TPTE2: variants seen among roughly 807,000 people sequenced by gnomAD.
TPTE2 encodes the protein transmembrane phosphoinositide 3-phosphatase and tensin homolog 2.
In TPTE2, 53 loss-of-function variants were observed where a neutral mutation model predicts 78.6. That is an observed-to-expected ratio of 0.67 (90% CI 0.54 to 0.85). The LOEUF (loss-of-function observed/expected upper bound fraction) is 0.85. Among genes scored for constraint, TPTE2 ranks in the 40% least tolerant of loss-of-function variants. The pLI is 0.00. For synonymous variants in TPTE2, 175 were observed against 206.2 expected (o/e 0.85, Z 1.30); for missense variants, 461 against 623.0 (o/e 0.74, Z 2.77).
chr13:19,444,304 CACAAAAAAAAAAAAAAAAAAAAAAA>C (rs1877687078), intron 13 of TPTE2, among the ~76,000 whole-genome samples: 1 of 48,134 alleles, frequency 2.1e-5, no homozygotes, highest in Non-Finnish European at 3.3e-5. Context: ...GAGACTCTGC[CACAAAAAAAAAAAAAAAAAAAAAAA>C]AAAAAAAAAA....
At chr13:19,553,236 T>C in the TPTE2 span, among the ~76,000 whole-genome samples, 2 of 152,238 alleles carry the variant, frequency 1.3e-5, no homozygotes, top group East Asian at 1.9e-4. Context: ...TATTATCATG[T>C]TGGCTAATTA....
At chr13:19,426,120 G>A (rs915483294) in intron 18 of TPTE2, among the ~76,000 whole-genome samples, 42 of 49,234 alleles carry the variant, frequency 8.5e-4, no homozygotes, top group South Asian at 4.2e-3. Flanking sequence ...GCAGTAAAAC[G>A]TACCTTTGGG....
intron 1 of TPTE2, among the ~76,000 whole-genome samples, chr13:19,500,717 A>C (rs1253090680): frequency 2.0e-5 from 3 of 151,204 alleles, no homozygotes. Flanking sequence ...AAAAACTGGA[A>C]GCATTCCCTT....
the TPTE2 span, among the ~76,000 whole-genome samples, chr13:19,555,937 C>T: frequency 1.3e-5 from 2 of 151,026 alleles, no homozygotes; most frequent in African/African-American, 2.4e-5. Context: ...CTCAGCCTCC[C>T]GAGTAGCTGG....
chr13:19,453,458 T>G (rs1353837252), intron 10 of TPTE2, among the ~76,000 whole-genome samples: 4 of 151,514 alleles, frequency 2.6e-5, no homozygotes, highest in African/African-American at 9.7e-5. Flanking sequence ...ACTGGACAGT[T>G]AAGCTTTAGG....
intron 1 of TPTE2, among the ~76,000 whole-genome samples, chr13:19,520,070 C>A (rs1870057613): frequency 6.6e-6 from 1 of 152,022 alleles, no homozygotes; most frequent in African/African-American, 2.4e-5. Flanking sequence ...CTAAATATAA[C>A]TAATTTTTTG....
chr13:19,490,839 C>T (rs934160513), intron 3 of TPTE2, among the ~76,000 whole-genome samples: 3 of 152,232 alleles, frequency 2.0e-5, no homozygotes, highest in Non-Finnish European at 4.4e-5. Flanking sequence ...CCACTGTTAC[C>T]TCCTCCTTGC....
At chr13:19,529,904 C>A (rs1270320336) in intron 1 of TPTE2, among the ~76,000 whole-genome samples, 1 of 152,090 alleles carries the variant, frequency 6.6e-6, no homozygotes, top group African/African-American at 2.4e-5. Flanking sequence ...AATTTTTGCC[C>A]CCTCAATCAG....
chr13:19,447,078 T>A (rs547783070), intron 13 of TPTE2, among the ~76,000 whole-genome samples: 1 of 152,226 alleles, frequency 6.6e-6, no homozygotes, highest in African/African-American at 2.4e-5. Flanking sequence ...CTCCTATAAA[T>A]CGATATAAAA....
rs554587204 is a variant in TPTE2 at position 19,439,290 on chromosome 13, A to G, written c.974-1137T>C. Among the ~76,000 whole-genome samples, 150 of 152,140 alleles carry G rather than the reference A, an allele frequency of 9.9e-4. 1 individual carries two copies. The highest frequency in any genetic ancestry group is 6.8e-3 in the Middle Eastern group (2 of 294). On this transcript the variant is annotated intron_variant, in intron 13 of 19. Transcript: ENST00000400230. ...TACCCATGGCGCCATCTACTGGCTC[A>G]TAGGTCAAACCACACACCCAATATA... is the stretch of plus-strand genomic sequence containing the variant.
chr13:19,524,332 G>A (rs1332853942), intron 1 of TPTE2, among the ~76,000 whole-genome samples: 1 of 152,062 alleles, frequency 6.6e-6, no homozygotes, highest in Non-Finnish European at 1.5e-5. Flanking sequence ...TTTACTCTTA[G>A]GCTGGAATTT....
chr13:19,548,760 T>G, the TPTE2 span, among the ~76,000 whole-genome samples: 1 of 151,720 alleles, frequency 6.6e-6, no homozygotes, highest in Non-Finnish European at 1.5e-5. Flanking sequence ...ATAAAAACCC[T>G]GAAGAAGATC....
upstream of TPTE2, chr13:19,503,393 G>T: frequency 9.2e-7 from 1 of 1,083,832 alleles, no homozygotes; most frequent in Non-Finnish European, 1.4e-6. Context: ...GACTATTCAT[G>T]TGTATAGCAC....
intron 16 of TPTE2, among the ~76,000 whole-genome samples, chr13:19,431,127 C>CAAAAAA (rs71092354): frequency 2.3e-5 from 2 of 85,464 alleles, no homozygotes; most frequent in East Asian, 3.1e-4. Context: ...ACTCTGTCTC[C>CAAAAAA]AAAAAAAAAA....
intron 10 of TPTE2, among the ~76,000 whole-genome samples, chr13:19,453,538 CATATATATAT>C (rs56140648): frequency 0.77 from 107,745 of 140,162 alleles, 43,052 homozygotes; most frequent in East Asian, 0.96. Flanking sequence ...ATTTTATAAT[CATATATATAT>C]ATATATATAT....
upstream of TPTE2, among the ~76,000 whole-genome samples, chr13:19,507,400 C>T (rs1395328656): frequency 6.6e-6 from 1 of 151,232 alleles, no homozygotes; most frequent in Non-Finnish European, 1.5e-5. Flanking sequence ...AGCAACTACC[C>T]AGGAGTAGTT....
intron 3 of TPTE2, among the ~76,000 whole-genome samples, chr13:19,482,875 A>G (rs965603959): frequency 2.0e-5 from 3 of 151,684 alleles, no homozygotes; most frequent in Non-Finnish European, 4.4e-5. Flanking sequence ...GTATAGACAT[A>G]TATCAAAGAC....
chr13:19,523,614 T>C (rs183423905), intron 1 of TPTE2, among the ~76,000 whole-genome samples: 5 of 152,088 alleles, frequency 3.3e-5, no homozygotes, highest in African/African-American at 1.2e-4. Flanking sequence ...TAGCTGGGAT[T>C]ACAGGTGCAT....
chr13:19,507,698 T>G (rs1420045769), upstream of TPTE2, among the ~76,000 whole-genome samples: 1 of 152,208 alleles, frequency 6.6e-6, no homozygotes, highest in African/African-American at 2.4e-5. Context: ...GAATATACAC[T>G]TGTAACAGAT....
Sources: gnomAD v4.1 joint callset for allele counts (sites outside exome capture counted in the v4.1 genomes callset) on GRCh38, gnomAD v4.1.1 for gene constraint, MANE v1.5 for transcripts, NCBI Gene and HGNC (gene_info 2026-07-23, HGNC 2026-07-21) for gene names.